The following ITSN1 variants were observed in gnomAD, a reference collection of about 807,000 sequenced individuals.
The protein encoded by ITSN1 is intersectin-1.
Under a neutral mutation model 239.8 loss-of-function variants are expected in ITSN1, and 58 were observed. The ratio of observed to expected loss-of-function variants is 0.24; its 90% confidence interval spans 0.20 to 0.30. The LOEUF (loss-of-function observed/expected upper bound fraction) is 0.30, where lower values mean the gene tolerates loss of function less well. ITSN1 is among the 10% of genes least tolerant of loss of function. The probability of loss-of-function intolerance (pLI) is 1.00; values close to 1 mark genes in which losing one functional copy is unlikely to be tolerated. For missense variants in ITSN1, 1,558 were observed against 2,103.3 expected (o/e 0.74, Z 5.07); for synonymous variants, 780 against 770.8 (o/e 1.01, Z -0.20).
intron 33 of ITSN1, 86 bp from the exon 34 acceptor site, chr21:33,875,268 C>T (rs1220683956): frequency 3.8e-5 from 56 of 1,480,640 alleles, no homozygotes; most frequent in Middle Eastern, 4.0e-4. Context: ...TGCCCTGCCC[C>T]GCTGGGCCTG....
chr21:33,773,530 G>C lies in ITSN1; in HGVS notation c.1306-1199G>C, dbSNP rs184338510. On this transcript the variant is annotated intron_variant, in intron 12 of 39. Coordinates refer to ENST00000381318, the MANE Select transcript of ITSN1 (RefSeq NM_003024.3). ...TTCGATGTAAAAAAATAGCCTGAGT[G>C]CTGTGCCTCAAGCCTGTAATCCCAG... Among the ~76,000 whole-genome samples the C allele has an allele frequency of 5.7e-4, 87 of 152,258 alleles. 2 individuals carry two copies. The highest frequency in any genetic ancestry group is 2.2e-3 in the Admixed American group (34 of 15,286).
chr21:33,652,842 A>C (rs1451685953), intron 1 of ITSN1, among the ~76,000 whole-genome samples: 2 of 152,044 alleles, frequency 1.3e-5, no homozygotes. Context: ...TTGGTCTTGC[A>C]TTCAATGCTT....
intron 1 of ITSN1, among the ~76,000 whole-genome samples, chr21:33,714,309 T>C (rs1175369919): frequency 6.6e-6 from 1 of 152,060 alleles, no homozygotes; most frequent in Non-Finnish European, 1.5e-5. Flanking sequence ...AGAGAGAACG[T>C]GGAGTCCCTT....
At chr21:33,867,437 G>A in intron 33 of ITSN1, 106 bp downstream of exon 33, 4 of 715,706 alleles carry the variant, frequency 5.6e-6, no homozygotes, top group East Asian at 2.5e-5. Context: ...TAACTGTTGT[G>A]TAGAAAGCAC....
intron 1 of ITSN1, among the ~76,000 whole-genome samples, chr21:33,661,782 C>T (rs1201435183): frequency 6.6e-6 from 1 of 152,092 alleles, no homozygotes; most frequent in Admixed American, 6.6e-5. Context: ...AGGGGTTTCC[C>T]CTTTCATTTG....
chr21:33,876,776 G>A (rs530534402), intron 34 of ITSN1, among the ~76,000 whole-genome samples: 177 of 152,264 alleles, frequency 1.2e-3, no homozygotes, highest in Middle Eastern at 6.8e-3. Flanking sequence ...CACACTTGAG[G>A]TGGGAGGATT....
Position 33,794,394 on chromosome 21 carries a change from G to T in ITSN1, c.1878G>T (p.Glu626Asp), listed in dbSNP as rs760599859. ...AACTCCAGAAGCAAAAGTCCATGGAGGCTGAACGACTGAAACAGAAAGAAC... is the reference window on the plus strand; with the variant it reads ...AACTCCAGAAGCAAAAGTCCATGGATGCTGAACGACTGAAACAGAAAGAAC... ...KQQLQKQKSM[E>D]AERLKQKEQE... Residue 626 changes from glutamate to aspartate, a missense_variant, in exon 17 of 40, where the codon GAG (glutamate) becomes GAT (aspartate). Glu to Asp is a conservative substitution (Grantham distance 45). Coordinates refer to ENST00000381318, the MANE Select transcript of ITSN1 (RefSeq NM_003024.3). The T allele has an allele frequency of 6.2e-7, 1 of 1,613,902 alleles. No homozygotes were observed.
At position 33,892,942 on chromosome 21, in the gene ITSN1, T is replaced by A. The variant is rs2148586343; in HGVS notation, c.*4642T>A. The A allele has an allele frequency of 6.6e-6, 1 of 152,340 alleles. No homozygotes were observed. The highest frequency in any genetic ancestry group is 1.9e-4 in the East Asian group (1 of 5,178). 9.4% of individuals were successfully genotyped at this position (152,340 alleles called of 1,614,324 possible). A position where few individuals can be genotyped will look rare whatever the true frequency, so the allele number is the denominator to read the frequency against. On this transcript the variant is annotated 3_prime_UTR_variant, in exon 40 of 40. Transcript: ENST00000381318. Reference sequence around the variant, plus strand: ...TTCACGGGGCAGCTCCCTCTAGCTCTTCTGCCCAGTGACCTTACAGGCTTT... The same window carrying A: ...TTCACGGGGCAGCTCCCTCTAGCTCATCTGCCCAGTGACCTTACAGGCTTT...
chr21:33,807,585 A>C (rs183856723), intron 20 of ITSN1, among the ~76,000 whole-genome samples: 130 of 152,270 alleles, frequency 8.5e-4, no homozygotes, highest in African/African-American at 2.9e-3. Context: ...TGGCTTCCAG[A>C]AGTGCTGGGA....
intron 1 of ITSN1, among the ~76,000 whole-genome samples, chr21:33,682,943 G>C (rs2091049269): frequency 6.6e-6 from 1 of 152,138 alleles, no homozygotes; most frequent in Non-Finnish European, 1.5e-5. Flanking sequence ...AAAGGTCGTA[G>C]ATGAAATAGA....
At chr21:33,781,405 T>G in intron 14 of ITSN1, 56 bp from the exon 15 acceptor site, 1 of 923,716 alleles carries the variant, frequency 1.1e-6, no homozygotes, top group Non-Finnish European at 1.8e-6. Flanking sequence ...TGGATCTTAA[T>G]GTAGATGTGG....
At chr21:33,802,387 A>G (rs746522155) in intron 19 of ITSN1, 43 bp from the exon 20 acceptor site, 6 of 1,597,144 alleles carry the variant, frequency 3.8e-6, no homozygotes, top group South Asian at 1.1e-5. Context: ...GTCATTAAAC[A>G]TATATTTTGC....
chr21:33,721,435 G>T (rs961143979), intron 3 of ITSN1, among the ~76,000 whole-genome samples, 165 bp downstream of exon 3: 5 of 152,140 alleles, frequency 3.3e-5, no homozygotes, highest in East Asian at 1.9e-4. Flanking sequence ...ACACATAATG[G>T]AATCATACCT....
At chr21:33,694,777 C>G (rs1311034487) in intron 1 of ITSN1, among the ~76,000 whole-genome samples, 1 of 152,146 alleles carries the variant, frequency 6.6e-6, no homozygotes, top group African/African-American at 2.4e-5. Flanking sequence ...CGATATCACA[C>G]CACTGCACTC....
Position 33,898,685 on chromosome 21 carries a change from C to A in ITSN1, c.*10385C>A. On this transcript the variant is annotated 3_prime_UTR_variant, in exon 40 of 40. Coordinates refer to ENST00000381318, the MANE Select transcript of ITSN1 (RefSeq NM_003024.3). ...AATGCATTGTGTTTGGGGGTGACAC[C>A]GCTGGTGGAAGGTTGAGGGCCTGTG... 6.6e-6 allele frequency: 1 copy of A among 152,334 alleles called. No homozygotes were observed. Among genetic ancestry groups the A allele is most frequent in the Non-Finnish European group, 1.5e-5 (1 of 68,050 alleles). The allele number at this position is 152,334 out of a possible 1,614,324, so 9.4% of individuals were successfully genotyped here.
intron 20 of ITSN1, among the ~76,000 whole-genome samples, chr21:33,808,529 G>A (rs1228533109): frequency 6.6e-6 from 1 of 151,664 alleles, no homozygotes; most frequent in Non-Finnish European, 1.5e-5. Flanking sequence ...AGGTTGCAGT[G>A]AGCTGAGATT....
At chr21:33,767,129 T>C (rs1290754378) in intron 10 of ITSN1, among the ~76,000 whole-genome samples, 2 of 151,802 alleles carry the variant, frequency 1.3e-5, no homozygotes, top group Non-Finnish European at 2.9e-5. Flanking sequence ...GATTGCACCA[T>C]TGCACTCCAG....
intron 2 of ITSN1, 99 bp from the exon 3 acceptor site, chr21:33,721,079 C>A: frequency 1.3e-6 from 1 of 755,034 alleles, no homozygotes; most frequent in Admixed American, 2.0e-5. Context: ...CTTTATAATA[C>A]ATTGACAGAA....
rs1231111146 is a variant in ITSN1 at position 33,886,589 on chromosome 21, G to A, written c.5017+129G>A. On this transcript the variant is annotated intron_variant, in intron 39 of 39. Transcript: ENST00000381318. Reference sequence around the variant, plus strand: ...TCCCTCCTGAGAGATGAGGCTGGCTGGCACAAGACGAGGCTCTGTCTCCCC... The same window carrying A: ...TCCCTCCTGAGAGATGAGGCTGGCTAGCACAAGACGAGGCTCTGTCTCCCC... The A allele has an allele frequency of 5.0e-6, 4 of 799,500 alleles. No individual in the cohort carries two copies. The African/African-American group carries it at 5.3e-5, about 11-fold the overall frequency. The allele number at this position is 799,500 out of a possible 1,614,324, so 49.5% of individuals were successfully genotyped here. A position where few individuals can be genotyped will look rare whatever the true frequency, so the allele number is the denominator to read the frequency against.
Sources: gnomAD v4.1 joint callset for allele counts (sites outside exome capture counted in the v4.1 genomes callset) on GRCh38, gnomAD v4.1.1 for gene constraint, MANE v1.5 for transcripts, NCBI Gene and HGNC (gene_info 2026-07-23, HGNC 2026-07-21) for gene names.